The following USP2 variants were observed in gnomAD, a reference collection of about 807,000 sequenced individuals.
USP2 encodes ubiquitin specific peptidase 2.
USP2 carries 33 observed loss-of-function variants against 72.0 expected under a neutral mutation model. The observed-to-expected ratio is 0.46, with a 90% CI of 0.35 to 0.61. The LOEUF (loss-of-function observed/expected upper bound fraction) is 0.61, where lower values mean the gene tolerates loss of function less well. Ranked by LOEUF, USP2 falls within the 20% of genes least tolerant of loss-of-function variation. The pLI, the probability that USP2 is intolerant of heterozygous loss-of-function variation, is 0.01. For synonymous variants in USP2, 296 were observed against 312.5 expected (o/e 0.95, Z 0.56); for missense variants, 691 against 797.8 (o/e 0.87, Z 1.61).
chr11:119,369,334 CTG>C (rs1021870170), intron 2 of USP2, among the ~76,000 whole-genome samples: 14 of 151,614 alleles, frequency 9.2e-5, no homozygotes, highest in Non-Finnish European at 1.5e-5. Context: ...TCAGCTGAGT[CTG>C]TGATATTCAA....
At chr11:119,361,683 A>C (rs1335942558) in intron 2 of USP2, among the ~76,000 whole-genome samples, 2 of 152,136 alleles carry the variant, frequency 1.3e-5, no homozygotes, top group Non-Finnish European at 2.9e-5. Flanking sequence ...TACCGATCCC[A>C]CAAGTAAGAG....
intron 2 of USP2, among the ~76,000 whole-genome samples, chr11:119,362,668 C>CA (rs551823925): frequency 1.1e-3 from 161 of 152,246 alleles, no homozygotes; most frequent in African/African-American, 3.7e-3. Context: ...TCTTACAGGA[C>CA]AAACAATCCT....
In USP2 at chr11:119,381,537, G is replaced by A. The variant is rs1240974701; in HGVS notation, c.-106C>T. The A allele has an allele frequency of 5.2e-6, 8 of 1,536,106 alleles. No individual in the cohort carries two copies. Among genetic ancestry groups the A allele is most frequent in the Non-Finnish European group, 6.1e-6 (7 of 1,146,888 alleles). ...AAGCATGGAGCTGCGGGTGAGTCCC[G>A]GCTGGCGCTGGCGCGGCGCAGTGAG... On this transcript the variant is annotated 5_prime_UTR_variant, in exon 1 of 13. Transcript: ENST00000260187.
At chr11:119,359,509 C>G in intron 4 of USP2, 28 bp downstream of exon 4, 1 of 1,612,652 alleles carries the variant, frequency 6.2e-7, no homozygotes, top group Non-Finnish European at 8.5e-7. Context: ...CGGGGGTAGG[C>G]AGGGGCACAT....
At chr11:119,379,953 C>T (rs1219657613) in intron 1 of USP2, among the ~76,000 whole-genome samples, 4 of 144,592 alleles carry the variant, frequency 2.8e-5, no homozygotes, top group Non-Finnish European at 6.0e-5. Flanking sequence ...GAGTCTCCGT[C>T]GCCCAGGCTG....
At chr11:119,375,273 T>G (rs1315220998) in intron 1 of USP2, among the ~76,000 whole-genome samples, 1 of 152,116 alleles carries the variant, frequency 6.6e-6, no homozygotes, top group Non-Finnish European at 1.5e-5. Flanking sequence ...ACACAAGGCT[T>G]TGGGGTAGGT....
intron 1 of USP2, among the ~76,000 whole-genome samples, chr11:119,377,528 C>T (rs991346750): frequency 1.4e-4 from 22 of 152,126 alleles, no homozygotes; most frequent in Non-Finnish European, 2.4e-4. Context: ...ACTGATAGGC[C>T]GAGAGATGGT....
rs145303825 is a variant in USP2 at position 119,355,287 on chromosome 11, C to G, written c.*1548G>C. 3.3e-5 allele frequency: 5 copies of G among 152,364 alleles called. No individual in the cohort carries two copies. Among genetic ancestry groups the G allele is most frequent in the African/African-American group, 1.2e-4 (5 of 41,592 alleles). The allele number at this position is 152,364 out of a possible 1,614,324, so 9.4% of individuals were successfully genotyped here. On this transcript the variant is annotated 3_prime_UTR_variant, in exon 13 of 13. Transcript: ENST00000260187. ...TTAGACATTCTTCTACTCTTGCTTACACAGTAAACAAGTGTACACTTGCCC... is the reference window on the plus strand; with the variant it reads ...TTAGACATTCTTCTACTCTTGCTTAGACAGTAAACAAGTGTACACTTGCCC...
In USP2 at chr11:119,358,184, C is replaced by T. The variant is rs755002728; in HGVS notation, c.1306G>A (p.Asp436Asn). ...TDCGYCSTVF[D>N]PFWDLSLPIA... ...GGCAGTGAGAGGTCCCAGAAGGGGT[C>T]GAAGACCGTAGAACAGTAACCACAA... The change falls in exon 8 of 13, where the codon GAC becomes AAC. Residue 436 changes from aspartate (D) to asparagine (N), a missense_variant. Coordinates refer to ENST00000260187, the MANE Select transcript of USP2 (RefSeq NM_004205.5). 3.1e-6 allele frequency: 5 copies of T among 1,613,824 alleles called. No individual in the cohort carries two copies. The highest frequency in any genetic ancestry group is 1.3e-5 in the African/African-American group (1 of 74,884).
At chr11:119,375,586 G>A (rs1472438990) in intron 1 of USP2, among the ~76,000 whole-genome samples, 2 of 152,180 alleles carry the variant, frequency 1.3e-5, no homozygotes, top group Non-Finnish European at 2.9e-5. Context: ...GTCGGGGTGG[G>A]GGCCCAGTCC....
At chr11:119,359,464 C>T in intron 4 of USP2, 73 bp downstream of exon 4, 2 of 1,603,780 alleles carry the variant, frequency 1.2e-6, no homozygotes, top group Admixed American at 1.7e-5. Context: ...TAAGACACAA[C>T]ACCTAGAACA....
intron 1 of USP2, 100 bp downstream of exon 1, chr11:119,381,373 C>T (rs1221746921): frequency 2.4e-6 from 3 of 1,269,810 alleles, no homozygotes; most frequent in Admixed American, 2.2e-5. Flanking sequence ...TTTCTAGTGT[C>T]CACTCTGCCC....
chr11:119,372,873 C>T lies in USP2; in HGVS notation c.608G>A (p.Gly203Asp). ...CACCTGAGATGCACTGCCCTTGCGA[C>T]CATAGTTCTCCAGGTAGTCGACCAG... ...EYLVDYLENY[G>D]RKGSASQVPS... Residue 203 changes from glycine to aspartate, a missense_variant, in exon 2 of 13, where the codon GGT becomes GAT. Coordinates refer to ENST00000260187, the MANE Select transcript of USP2 (RefSeq NM_004205.5). The T allele has an allele frequency of 6.2e-7, 1 of 1,608,390 alleles. No individual in the cohort carries two copies. Among genetic ancestry groups the T allele is most frequent in the Admixed American group, 1.7e-5 (1 of 59,622 alleles).
Position 119,378,294 on chromosome 11 carries a change from C to T in USP2, c.-42+3179G>A, listed in dbSNP as rs947683907. Among the ~76,000 whole-genome samples the T allele has an allele frequency of 1.3e-4, 17 of 129,856 alleles. 1 individual carries two copies. The highest frequency in any genetic ancestry group is 2.2e-4 in the Non-Finnish European group (14 of 63,868). The allele number at this position is 129,856 out of a possible 152,430, so 85.2% of individuals were successfully genotyped here. On this transcript the variant is annotated intron_variant, in intron 1 of 12. Transcript: ENST00000260187. ...GGAGGATGGGATGAGGGAATCCTGG[C>T]AGGTGTAGAGGACATGGGTAGAGTA...
chr11:119,359,185 C>T (rs779254947), intron 5 of USP2, 46 bp downstream of exon 5: 2 of 1,612,338 alleles, frequency 1.2e-6, no homozygotes, highest in South Asian at 1.1e-5. Context: ...TAAGAACCTG[C>T]TCCTACTGCC....
At chr11:119,362,246 TGTG>T (rs1950775412) in intron 2 of USP2, among the ~76,000 whole-genome samples, 1 of 152,132 alleles carries the variant, frequency 6.6e-6, no homozygotes, top group African/African-American at 2.4e-5. Flanking sequence ...GAAGCACTCC[TGTG>T]GTGTTTTAAG....
In USP2 at chr11:119,372,761, T is replaced by TC; in HGVS notation, c.719dup (p.Gln243SerfsTer19). 1 of 1,558,236 alleles carries TC rather than the reference T, an allele frequency of 6.4e-7. No homozygotes were observed. Among genetic ancestry groups the TC allele is most frequent in the African/African-American group, 1.4e-5 (1 of 73,132 alleles). On this transcript the variant is annotated frameshift_variant, in exon 2 of 13. Coordinates refer to ENST00000260187, the MANE Select transcript of USP2 (RefSeq NM_004205.5). LOFTEE classifies it high-confidence loss of function. Reference sequence around the variant, plus strand: ...GGCTGGGCCCAGGGGCCTGACCCTTTCCCGTCTCCCACAGCGTGTAGCGGC... The same window carrying TC: ...GGCTGGGCCCAGGGGCCTGACCCTTTCCCCGTCTCCCACAGCGTGTAGCGGC...
chr11:119,369,384 G>C (rs559177584), intron 2 of USP2, among the ~76,000 whole-genome samples: 32 of 152,100 alleles, frequency 2.1e-4, no homozygotes, highest in African/African-American at 7.7e-4. Context: ...AGGGAAAGAA[G>C]TCTGGCTAGA....
intron 2 of USP2, among the ~76,000 whole-genome samples, chr11:119,370,250 G>A (rs542648092): frequency 6.6e-5 from 10 of 152,296 alleles, no homozygotes; most frequent in East Asian, 3.9e-4. Context: ...ACTGTTGCTC[G>A]CACACATCTC....
Sources: gnomAD v4.1 joint callset for allele counts (sites outside exome capture counted in the v4.1 genomes callset) on GRCh38, gnomAD v4.1.1 for gene constraint, MANE v1.5 for transcripts, NCBI Gene and HGNC (gene_info 2026-07-23, HGNC 2026-07-21) for gene names.